PTPN23: variants seen among roughly 807,000 people sequenced by gnomAD.
The protein encoded by PTPN23 is tyrosine-protein phosphatase non-receptor type 23.
In PTPN23, 72 loss-of-function variants were observed where a neutral mutation model predicts 156.3. That is an observed-to-expected ratio of 0.46 (90% CI 0.38 to 0.56). The LOEUF (loss-of-function observed/expected upper bound fraction) is 0.56, where lower values mean the gene tolerates loss of function less well. PTPN23 is among the 20% of genes least tolerant of loss of function. PTPN23 has a pLI of 0.00. For missense variants in PTPN23, 1,974 were observed against 2,171.5 expected, an observed-to-expected ratio of 0.91 and a Z score of 1.81; for synonymous variants, 957 against 899.6, an observed-to-expected ratio of 1.06 and a Z score of -1.14.
Position 47,408,987 on chromosome 3 carries a change from G to A in PTPN23, c.1542G>A (p.Glu514=). ...AGAAGGCCTCCTTCACCAACAGTGAGCTGCACCGTGCCATGAACCTGCACG... is the reference window on the plus strand; with the variant it reads ...AGAAGGCCTCCTTCACCAACAGTGAACTGCACCGTGCCATGAACCTGCACG... ...VHEKASFTNS[E]LHRAMNLHVG... is the part of the protein sequence containing the mutation. Residue 514 remains glutamate, a synonymous_variant, in exon 16 of 25, where the codon GAG becomes GAA. Transcript: ENST00000265562. 2 of 1,614,176 alleles carry A rather than the reference G, an allele frequency of 1.2e-6. No homozygotes were observed. Among genetic ancestry groups the A allele is most frequent in the Non-Finnish European group, 1.7e-6 (2 of 1,180,030 alleles).
chr3:47,409,460 T>C lies in PTPN23; in HGVS notation c.1841T>C (p.Val614Ala). Residue 614 changes from valine to alanine, a missense_variant, in exon 18 of 25, where the codon GTG (valine) becomes GCG (alanine). Coordinates refer to ENST00000265562, the MANE Select transcript of PTPN23 (RefSeq NM_015466.4). ...CTGAAAAAGTATGACCAGCTGAAGG[T>C]GTACCTGGAGCAGAACCTGGCCGCC... ...EQLKKYDQLK[V>A]YLEQNLAAQD... The C allele has an allele frequency of 6.2e-7, 1 of 1,614,048 alleles. No individual in the cohort carries two copies.
chr3:47,410,068 G>T lies in PTPN23; in HGVS notation c.2270G>T (p.Arg757Leu). The T allele has an allele frequency of 6.2e-7, 1 of 1,611,378 alleles. No individual in the cohort carries two copies. Among genetic ancestry groups the T allele is most frequent in the Non-Finnish European group, 8.5e-7 (1 of 1,178,942 alleles). ...CCCCCTGACATGGTGGCTGGCCCAC[G>T]ACTGCCTGACACCTTCCTGGGAAGT... is the stretch of plus-strand genomic sequence containing the variant. ...SLPPDMVAGPRLPDTFLGSAT... is the reference protein window; with the variant it reads ...SLPPDMVAGPLLPDTFLGSAT... Residue 757 changes from arginine (R) to leucine (L), a missense_variant, in exon 20 of 25, where the codon CGA becomes CTA. This residue lies in a region of PTPN23 where 731 missense variants were observed against 669.1 expected (regional missense o/e 1.09). Coordinates refer to ENST00000265562, the MANE Select transcript of PTPN23 (RefSeq NM_015466.4).
chr3:47,405,941 C>T lies in PTPN23; in HGVS notation c.441C>T (p.Phe147=). 1 of 1,614,050 alleles carries T rather than the reference C, an allele frequency of 6.2e-7. No individual in the cohort carries two copies. Among genetic ancestry groups the T allele is most frequent in the Non-Finnish European group, 8.5e-7 (1 of 1,180,012 alleles). The change falls in exon 6 of 25, where the codon TTC becomes TTT. Residue 147 remains phenylalanine, a synonymous_variant. Transcript: ENST00000265562. The surrounding 1 kb of genome is among the most constrained non-coding windows in gnomAD (Gnocchi z 4.7). The stretch of plus-strand genomic sequence containing the variant: ...GCATGAAGGTCTCCTGTACCCATTT[C>T]CAGTGCGCAGCCGGCGCCTTCGCCT... The part of the protein sequence containing the change: ...EEGMKVSCTH[F]QCAAGAFAYL...
In PTPN23 at chr3:47,405,001, G is replaced by C. The variant is rs1355676623; in HGVS notation, c.288-4G>C. The C allele has an allele frequency of 6.2e-7, 1 of 1,614,172 alleles. No individual in the cohort carries two copies. The highest frequency in any genetic ancestry group is 1.7e-5 in the Admixed American group (1 of 60,028). On this transcript the variant is annotated splice_polypyrimidine_tract_variant and splice_region_variant and intron_variant, in intron 3 of 24. Transcript: ENST00000265562. This position sits in a 1 kb window ranked among gnomAD's most constrained non-coding sequence, Gnocchi z 4.7. The stretch of plus-strand genomic sequence containing the variant: ...TCGAGATAACTGGGGTGCCATGTCT[G>C]CAGGACAGAGATCTTCTCAGGCAAG...
In PTPN23 at chr3:47,407,438, G is replaced by A. The variant is rs921800365; in HGVS notation, c.924-67G>A. On this transcript the variant is annotated intron_variant, in intron 11 of 24. Coordinates refer to ENST00000265562, the MANE Select transcript of PTPN23 (RefSeq NM_015466.4). The surrounding 1 kb of genome is among the most constrained non-coding windows in gnomAD (Gnocchi z 4.0). ...CTTGTCCCTCTGCTGGCATCTACAT[G>A]GGAAGTAGGTTCTGGATCCCCACTG... is the stretch of plus-strand genomic sequence containing the variant. The A allele has an allele frequency of 2.7e-5, 43 of 1,608,274 alleles. No individual in the cohort carries two copies. In the African/African-American group the frequency reaches 4.5e-4, roughly 17 times the overall value.
rs1705105083 is a variant in PTPN23, at chr3:47,405,709, AGCAGCCC to A, written c.365-39_365-33del. 1.3e-6 allele frequency: 2 copies of A among 1,582,336 alleles called. No homozygotes were observed. The highest frequency in any genetic ancestry group is 1.8e-5 in the Admixed American group (1 of 55,882). On this transcript the variant is annotated intron_variant, in intron 4 of 24. Coordinates refer to ENST00000265562, the MANE Select transcript of PTPN23 (RefSeq NM_015466.4). This position sits in a 1 kb window ranked among gnomAD's most constrained non-coding sequence, Gnocchi z 4.7. ...TCTGTCTCACCTTCACATGGGTGTGAGCAGCCCCAGGCCCCTAACACTGTCCCCTCCC... is the reference window on the plus strand; with the variant it reads ...TCTGTCTCACCTTCACATGGGTGTGACAGGCCCCTAACACTGTCCCCTCCC...
Position 47,408,831 on chromosome 3 carries a change from G to T in PTPN23, c.1386G>T (p.Leu462=). Residue 462 remains leucine, a synonymous_variant, in exon 16 of 25, where the codon CTG becomes CTT. Transcript: ENST00000265562. ...CTTCCCTGAAGGACATCAGAGATCT[G>T]TTGGAGGAGGATGAGCTGCTAGAGC... The part of the protein sequence containing the change: ...VEASLKDIRD[L]LEEDELLEQK... The T allele has an allele frequency of 6.2e-7, 1 of 1,613,682 alleles. No homozygotes were observed. The highest frequency in any genetic ancestry group is 1.3e-5 in the African/African-American group (1 of 75,060).
chr3:47,394,301 G>A (rs1301910864), intron 1 of PTPN23, among the ~76,000 whole-genome samples: 3 of 152,238 alleles, frequency 2.0e-5, no homozygotes, highest in East Asian at 1.9e-4. Context: ...CCCTGCCGTC[G>A]GCACACAGTA....
chr3:47,387,668 C>G (rs971217903), intron 1 of PTPN23, among the ~76,000 whole-genome samples: 1 of 151,942 alleles, frequency 6.6e-6, no homozygotes, highest in Admixed American at 6.6e-5. Flanking sequence ...CATAATGTAA[C>G]TGGTGAATAA....
Position 47,410,159 on chromosome 3 carries a change from C to T in PTPN23, c.2361C>T (p.Leu787=), listed in dbSNP as rs759544802. ...PSSTGPGPHY[L]SGPLPPGTYS... is the part of the protein sequence containing the mutation. ...CCACAGGCCCAGGACCCCACTATCT[C>T]TCAGGCCCCTTGCCCCCTGGTACCT... Residue 787 remains leucine, a synonymous_variant, in exon 20 of 25, where the codon CTC becomes CTT. Coordinates refer to ENST00000265562, the MANE Select transcript of PTPN23 (RefSeq NM_015466.4). 1 of 1,594,536 alleles carries T rather than the reference C, an allele frequency of 6.3e-7. No individual in the cohort carries two copies. Among genetic ancestry groups the T allele is most frequent in the South Asian group, 1.1e-5 (1 of 88,066 alleles).
chr3:47,389,122 C>T (rs538042757), intron 1 of PTPN23, among the ~76,000 whole-genome samples: 3 of 152,274 alleles, frequency 2.0e-5, no homozygotes, highest in Non-Finnish European at 2.9e-5. Flanking sequence ...TAATTTTTAG[C>T]TCCCACAAAA....
In PTPN23 at chr3:47,407,671, G is replaced by A; in HGVS notation, c.1004-26G>A. The A allele has an allele frequency of 6.2e-7, 1 of 1,609,968 alleles. No homozygotes were observed. The highest frequency in any genetic ancestry group is 8.5e-7 in the Non-Finnish European group (1 of 1,176,414). ...TGCCTCAAGGACTCTGCGTGGGCCT[G>A]ATCTCCACAATTCCCACCCCCCCAG... On this transcript the variant is annotated intron_variant, in intron 12 of 24. Coordinates refer to ENST00000265562, the MANE Select transcript of PTPN23 (RefSeq NM_015466.4). The surrounding 1 kb of genome is among the most constrained non-coding windows in gnomAD (Gnocchi z 4.0).
At chr3:47,402,891 A>G (rs1316582758) in intron 2 of PTPN23, among the ~76,000 whole-genome samples, 1 of 151,898 alleles carries the variant, frequency 6.6e-6, no homozygotes, top group Admixed American at 6.6e-5. Flanking sequence ...TTTTTAGTAG[A>G]GACGGGGTTT....
chr3:47,404,724 C>T lies in PTPN23; in HGVS notation c.232C>T (p.Leu78=). 6.2e-7 allele frequency: 1 copy of T among 1,614,016 alleles called. No homozygotes were observed. The highest frequency in any genetic ancestry group is 8.5e-7 in the Non-Finnish European group (1 of 1,180,030). ...CAAGTACCTCGGCCAGCTTCATTAC[C>T]TGCAGAGTCGGGTCCCCATGGGCTC... is the stretch of plus-strand genomic sequence containing the variant. The part of the protein sequence containing the change: ...LRKYLGQLHY[L]QSRVPMGSGQ... Residue 78 remains leucine, a synonymous_variant, in exon 3 of 25, where the codon CTG becomes TTG. Transcript: ENST00000265562.
At chr3:47,400,423 G>A (rs538180330) in intron 2 of PTPN23, among the ~76,000 whole-genome samples, 18 of 152,336 alleles carry the variant, frequency 1.2e-4, no homozygotes, top group Middle Eastern at 6.8e-3. Context: ...TGCGCAGCTC[G>A]TCTGAGAGTC....
chr3:47,412,449 A>C, intron 23 of PTPN23, 28 bp downstream of exon 23: 1 of 1,611,856 alleles, frequency 6.2e-7, no homozygotes, highest in Non-Finnish European at 8.5e-7. Flanking sequence ...TGGGGCTGGG[A>C]TGGGCCTTCT....
At chr3:47,388,929 T>G (rs1435131499) in intron 1 of PTPN23, among the ~76,000 whole-genome samples, 1 of 152,152 alleles carries the variant, frequency 6.6e-6, no homozygotes, top group Non-Finnish European at 1.5e-5. Context: ...CCTCCCAAAG[T>G]GCTGCGATTG....
chr3:47,396,128 C>G lies in PTPN23; in HGVS notation c.85-15C>G, dbSNP rs985790135. ...GTCTTCTCTGCCACTGGCTTATGTT[C>G]TTCTCTCTCTGTAGTTTGTCCTGAA... On this transcript the variant is annotated splice_polypyrimidine_tract_variant and intron_variant, in intron 1 of 24. Transcript: ENST00000265562. 5.0e-6 allele frequency: 8 copies of G among 1,607,864 alleles called. No individual in the cohort carries two copies. The highest frequency in any genetic ancestry group is 4.4e-5 in the South Asian group (4 of 90,598).
intron 1 of PTPN23, among the ~76,000 whole-genome samples, chr3:47,393,290 T>C (rs957782754): frequency 6.6e-6 from 1 of 152,044 alleles, no homozygotes; most frequent in African/African-American, 2.4e-5. Flanking sequence ...GAAGTTGGGA[T>C]TACAGGTGCC....
Sources: gnomAD v4.1 joint callset for allele counts (sites outside exome capture counted in the v4.1 genomes callset) on GRCh38, gnomAD v4.1.1 for gene constraint, gnomAD v4.1.1 regional missense constraint, Gnocchi (gnomAD v3.1) non-coding constraint, MANE v1.5 for transcripts, NCBI Gene and HGNC (gene_info 2026-07-23, HGNC 2026-07-21) for gene names.